The following SLC1A2 variants were observed in gnomAD, a reference collection of about 807,000 sequenced individuals.
The protein encoded by SLC1A2 is excitatory amino acid transporter 2.
SLC1A2 carries 15 observed loss-of-function variants against 48.8 expected under a neutral mutation model. That is an observed-to-expected ratio of 0.31 (90% CI 0.21 to 0.47). SLC1A2 has a LOEUF of 0.47. Ranked by LOEUF, SLC1A2 falls within the 20% of genes least tolerant of loss-of-function variation. The probability of loss-of-function intolerance (pLI) is 0.99; values close to 1 mark genes in which losing one functional copy is unlikely to be tolerated. For missense variants in SLC1A2, 502 were observed against 730.5 expected, an observed-to-expected ratio of 0.69 and a Z score of 3.61; for synonymous variants, 279 against 272.6, an observed-to-expected ratio of 1.02 and a Z score of -0.23.
chr11:35,293,842 A>G (rs1049418631), intron 6 of SLC1A2, among the ~76,000 whole-genome samples: 1 of 152,194 alleles, frequency 6.6e-6, no homozygotes, highest in African/African-American at 2.4e-5. Context: ...AATACTACAT[A>G]AGACATGGAG....
intron 1 of SLC1A2, among the ~76,000 whole-genome samples, chr11:35,414,037 T>C (rs1329764315): frequency 6.6e-6 from 1 of 152,178 alleles, no homozygotes; most frequent in African/African-American, 2.4e-5. Flanking sequence ...AGTCTAGCCA[T>C]CAAATCGAGT....
At chr11:35,285,437 C>T (rs1238728082) in intron 8 of SLC1A2, 1 of 152,172 alleles carries the variant, frequency 6.6e-6, no homozygotes, top group East Asian at 1.9e-4. Context: ...AAGTGTATTC[C>T]AGTGTCTACC....
intron 9 of SLC1A2, 99 bp from the exon 10 acceptor site, chr11:35,265,857 G>A (rs1168468575): frequency 1.4e-6 from 1 of 700,890 alleles, no homozygotes; most frequent in East Asian, 2.6e-5. Flanking sequence ...GTTGAGTACT[G>A]GCTCTACCTT....
At chr11:35,319,470 A>T (rs4110478) in intron 1 of SLC1A2, among the ~76,000 whole-genome samples, 33,416 of 152,074 alleles carry the variant, frequency 0.22, 6,613 homozygotes, top group African/African-American at 0.53. Context: ...TCCCCTTGAG[A>T]TCATTAATCT....
chr11:35,354,631 A>AG (rs1853389696), intron 1 of SLC1A2, among the ~76,000 whole-genome samples: 1 of 152,106 alleles, frequency 6.6e-6, no homozygotes, highest in Non-Finnish European at 1.5e-5. Flanking sequence ...ATCACCCCCC[A>AG]AAACAAAGAA....
At chr11:35,328,599 T>G (rs562076448) in intron 1 of SLC1A2, among the ~76,000 whole-genome samples, 2 of 152,208 alleles carry the variant, frequency 1.3e-5, no homozygotes, top group Non-Finnish European at 2.9e-5. Context: ...TTGGAAAAAC[T>G]GGTCAGCCCA....
chr11:35,280,998 G>A lies in SLC1A2; in HGVS notation c.1290C>T (p.Leu430=). 1.9e-6 allele frequency: 3 copies of A among 1,606,744 alleles called. No homozygotes were observed. The highest frequency in any genetic ancestry group is 1.3e-5 in the African/African-American group (1 of 74,542). Residue 430 remains leucine, a synonymous_variant, in exon 9 of 11, where the codon CTC becomes CTT. Coordinates refer to ENST00000278379, the MANE Select transcript of SLC1A2 (RefSeq NM_004171.4). Reference sequence around the variant, plus strand: ...CGCCGACGCTTGCCAGGGTGGCTGTGAGGCTATGAGAACAGAGAAGTTCAG... The same window carrying A: ...CGCCGACGCTTGCCAGGGTGGCTGTAAGGCTATGAGAACAGAGAAGTTCAG... ...LDGGQIVTVS[L]TATLASVGAA...
intron 7 of SLC1A2, among the ~76,000 whole-genome samples, chr11:35,289,914 A>G (rs1308834953): frequency 2.0e-5 from 3 of 152,226 alleles, no homozygotes; most frequent in African/African-American, 4.8e-5. Flanking sequence ...AAAATCAATC[A>G]GGAAGGGACG....
chr11:35,290,394 G>T (rs1300861346), intron 7 of SLC1A2, among the ~76,000 whole-genome samples: 1 of 152,050 alleles, frequency 6.6e-6, no homozygotes, highest in Admixed American at 6.6e-5. Context: ...AAAGTCTATT[G>T]CAATAGATAC....
intron 8 of SLC1A2, among the ~76,000 whole-genome samples, chr11:35,284,599 A>G (rs1330655609): frequency 2.0e-5 from 3 of 151,208 alleles, no homozygotes; most frequent in Admixed American, 2.0e-4. Flanking sequence ...TCTTTTCTCT[A>G]TTTGCTGACT....
At chr11:35,261,313 A>C (rs1408721690) in intron 10 of SLC1A2, among the ~76,000 whole-genome samples, 3 of 152,208 alleles carry the variant, frequency 2.0e-5, no homozygotes, top group East Asian at 3.8e-4. Context: ...TACTCCATAC[A>C]ACCACAGAGG....
At chr11:35,337,670 TTGCAGAAGAAACAGC>T (rs967222477) in intron 1 of SLC1A2, among the ~76,000 whole-genome samples, 22 of 152,166 alleles carry the variant, frequency 1.4e-4, no homozygotes, top group African/African-American at 5.3e-4. Context: ...TCCTTTAAGG[TTGCAGAAGAAACAGC>T]TGCAAACTCC....
intron 5 of SLC1A2, among the ~76,000 whole-genome samples, chr11:35,305,453 C>A (rs1851473866): frequency 6.6e-6 from 1 of 152,178 alleles, no homozygotes; most frequent in Admixed American, 6.5e-5. Context: ...CAGTAAGTGG[C>A]CCATACTGGA....
intron 1 of SLC1A2, among the ~76,000 whole-genome samples, chr11:35,346,076 A>G (rs1203454345): frequency 6.6e-6 from 1 of 151,602 alleles, no homozygotes; most frequent in East Asian, 1.9e-4. Flanking sequence ...TTTTCTTTAT[A>G]CTTTAAGTTC....
At chr11:35,418,607 A>C in intron 1 of SLC1A2, 6 of 232,916 alleles carry the variant, frequency 2.6e-5, no homozygotes, top group East Asian at 9.9e-5. Flanking sequence ...AGGCGCTGCT[A>C]CCCCGGTGTC....
intron 4 of SLC1A2, 98 bp from the exon 5 acceptor site, chr11:35,306,340 G>T: frequency 1.2e-6 from 1 of 866,046 alleles, no homozygotes; most frequent in Non-Finnish European, 1.7e-6. Context: ...GTTCCCAACA[G>T]GTTAACAATA....
chr11:35,258,379 A>G lies in SLC1A2; in HGVS notation c.*2515T>C, dbSNP rs1950342914. The G allele has an allele frequency of 6.6e-6, 1 of 152,378 alleles. No homozygotes were observed. The highest frequency in any genetic ancestry group is 6.5e-5 in the Admixed American group (1 of 15,294). 9.4% of individuals were successfully genotyped at this position (152,378 alleles called of 1,614,324 possible). On this transcript the variant is annotated 3_prime_UTR_variant, in exon 11 of 11. Coordinates refer to ENST00000278379, the MANE Select transcript of SLC1A2 (RefSeq NM_004171.4). ...TTTACAGGCTAATAGGATAGCTAGG[A>G]AAAAGTTGAAGACAAAACACACCGG...
chr11:35,319,689 G>T (rs976486379), intron 1 of SLC1A2, among the ~76,000 whole-genome samples: 7 of 152,226 alleles, frequency 4.6e-5, no homozygotes, highest in African/African-American at 1.7e-4. Flanking sequence ...CTGGCAATGT[G>T]GTTGGATGCC....
At chr11:35,410,271 T>A (rs1855420889) in intron 1 of SLC1A2, among the ~76,000 whole-genome samples, 3 of 152,170 alleles carry the variant, frequency 2.0e-5, no homozygotes, top group Non-Finnish European at 4.4e-5. Flanking sequence ...TACTTATCAT[T>A]TTTTGGTGGT....
Sources: allele counts gnomAD v4.1 joint callset (sites outside exome capture counted in the v4.1 genomes callset), GRCh38; gene constraint gnomAD v4.1.1; transcripts MANE v1.5; gene names NCBI Gene and HGNC (gene_info 2026-07-23, HGNC 2026-07-21).